Variants in OR2L13 observed in about 807,000 individuals in gnomAD.
The protein encoded by OR2L13 is olfactory receptor 2L13.
In OR2L13, 14 loss-of-function variants were observed where a neutral mutation model predicts 15.3. The observed-to-expected ratio is 0.91, with a 90% CI of 0.60 to 1.43. The LOEUF (loss-of-function observed/expected upper bound fraction) is 1.43. OR2L13 is among the 40% of genes most tolerant of loss of function. OR2L13 has a pLI of 0.00. For missense variants in OR2L13, 367 were observed against 387.9 expected (o/e 0.95, Z 0.45); for synonymous variants, 152 against 142.9 (o/e 1.06, Z -0.45).
chr1:248,069,494 C>A, the OR2L13 span, among the ~76,000 whole-genome samples: 11 of 152,162 alleles, frequency 7.2e-5, no homozygotes, highest in African/African-American at 1.4e-4. Context: ...TGGAAAGGAA[C>A]AACCGGTACT....
the OR2L13 span, among the ~76,000 whole-genome samples, chr1:248,025,978 T>C: frequency 6.6e-6 from 1 of 151,540 alleles, no homozygotes; most frequent in Non-Finnish European, 1.5e-5. Context: ...AAGGATAGCA[T>C]AGGAGATATA....
chr1:248,095,623 T>TTTTTTTTTTTTC (rs1037934922), upstream of OR2L13, among the ~76,000 whole-genome samples: 769 of 130,456 alleles, frequency 5.9e-3, 89 homozygotes, highest in African/African-American at 0.02. Flanking sequence ...TTTTTTTTTT[T>TTTTTTTTTTTTC]TGAGATGGAG....
At chr1:247,991,006 G>A in the OR2L13 span, 12,418 of 1,519,686 alleles carry the variant, frequency 8.2e-3, 826 homozygotes, top group African/African-American at 0.15. Flanking sequence ...CCTCACTGTA[G>A]TGACTTTCTA....
chr1:248,056,034 C>G, the OR2L13 span: 14 of 152,122 alleles, frequency 9.2e-5, no homozygotes, highest in African/African-American at 3.4e-4. Context: ...TCCATTTCTT[C>G]TAGATTTTCC....
At chr1:247,949,769 T>G in the OR2L13 span, 70 of 1,611,634 alleles carry the variant, frequency 4.3e-5, no homozygotes, top group Non-Finnish European at 5.5e-5. Flanking sequence ...CACGAGTGAG[T>G]CAGAGAATCT....
the OR2L13 span, among the ~76,000 whole-genome samples, chr1:248,081,398 T>A: frequency 6.6e-6 from 1 of 152,204 alleles, no homozygotes; most frequent in Non-Finnish European, 1.5e-5. Context: ...TTTGTTGTTG[T>A]CGTCGTTGCT....
At chr1:248,068,103 A>T in the OR2L13 span, among the ~76,000 whole-genome samples, 130 of 152,172 alleles carry the variant, frequency 8.5e-4, 1 homozygote, top group Middle Eastern at 0.024. Flanking sequence ...GTAACCTCTG[A>T]AGACTTAAAT....
chr1:248,079,720 C>T, the OR2L13 span, among the ~76,000 whole-genome samples: 1 of 152,086 alleles, frequency 6.6e-6, no homozygotes, highest in East Asian at 1.9e-4. Context: ...GATGCTGGGT[C>T]AGTTTGTAAT....
chr1:248,099,421 C>T, exon 3 of OR2L13: 1 of 1,613,790 alleles, frequency 6.2e-7, no homozygotes, highest in African/African-American at 1.3e-5. Context: ...TTTGTTGGGT[C>T]TGCTTCCCCC....
chr1:248,003,256 A>G, the OR2L13 span: 10 of 1,570,888 alleles, frequency 6.4e-6, no homozygotes, highest in South Asian at 8.9e-5. Context: ...TTGGAAACCT[A>G]TCCATGATTC....
At chr1:248,020,254 A>T in the OR2L13 span, among the ~76,000 whole-genome samples, 28 of 152,300 alleles carry the variant, frequency 1.8e-4, no homozygotes, top group Admixed American at 3.9e-4. Flanking sequence ...AGAAATAAAG[A>T]GCATCCAAAT....
chr1:248,086,641 A>G, the OR2L13 span, among the ~76,000 whole-genome samples: 1 of 152,030 alleles, frequency 6.6e-6, no homozygotes, highest in Non-Finnish European at 1.5e-5. Context: ...TTTATTTGTT[A>G]AGTGGAATAT....
the OR2L13 span, chr1:247,996,942 C>T: frequency 6.6e-6 from 1 of 152,090 alleles, no homozygotes; most frequent in African/African-American, 2.4e-5. Context: ...CAAGAATGTA[C>T]ACCAACTACC....
the OR2L13 span, among the ~76,000 whole-genome samples, chr1:248,017,280 GA>G: frequency 1.6e-4 from 24 of 152,182 alleles, no homozygotes; most frequent in African/African-American, 5.8e-4. Flanking sequence ...TTTTACATAA[GA>G]AAAAAATGTC....
chr1:247,997,081 A>G, the OR2L13 span: 1 of 152,224 alleles, frequency 6.6e-6, no homozygotes, highest in East Asian at 1.9e-4. Flanking sequence ...CCACTGCTTC[A>G]TCTGACTAGC....
the OR2L13 span, among the ~76,000 whole-genome samples, chr1:248,036,245 G>GT: frequency 1.0e-4 from 15 of 150,526 alleles, no homozygotes; most frequent in Admixed American, 3.3e-4. Context: ...AATCTTTTCA[G>GT]TTTTTTTTTC....
At chr1:247,950,342 C>G in the OR2L13 span, among the ~76,000 whole-genome samples, 1 of 152,128 alleles carries the variant, frequency 6.6e-6, no homozygotes, top group Non-Finnish European at 1.5e-5. Flanking sequence ...TGATACCACT[C>G]TGGATGGCCT....
At chr1:247,969,837 G>C in the OR2L13 span, among the ~76,000 whole-genome samples, 5 of 152,194 alleles carry the variant, frequency 3.3e-5, no homozygotes, top group Non-Finnish European at 5.9e-5. Flanking sequence ...CAGGGGGCCA[G>C]AGCCATGGAA....
chr1:248,047,697 T>C, the OR2L13 span, among the ~76,000 whole-genome samples: 1 of 152,054 alleles, frequency 6.6e-6, no homozygotes, highest in Non-Finnish European at 1.5e-5. Flanking sequence ...CCACACAGAG[T>C]TTTGTGAGAA....
Sources: allele counts gnomAD v4.1 joint callset (sites outside exome capture counted in the v4.1 genomes callset), GRCh38; gene constraint gnomAD v4.1.1; transcripts MANE v1.5; gene names NCBI Gene and HGNC (gene_info 2026-07-23, HGNC 2026-07-21).